The following IL12RB2 variants were observed in gnomAD, a reference collection of about 807,000 sequenced individuals.
IL12RB2 encodes interleukin-12 receptor subunit beta-2.
A neutral mutation model predicts 89.4 loss-of-function variants in IL12RB2; 82 were observed. That is an observed-to-expected ratio of 0.92 (90% CI 0.77 to 1.10). IL12RB2 has a LOEUF of 1.10. IL12RB2 is among the 50% of genes least tolerant of loss of function. The probability of loss-of-function intolerance (pLI) is 0.00; values close to 1 mark genes in which losing one functional copy is unlikely to be tolerated. For missense variants in IL12RB2, 963 were observed against 1,031.9 expected (o/e 0.93, Z 0.92); for synonymous variants, 368 against 370.1 (o/e 0.99, Z 0.07).
intron 8 of IL12RB2, among the ~76,000 whole-genome samples, chr1:67,334,622 GCACCCCGC>G (rs1341431342): frequency 9.0e-6 from 1 of 110,660 alleles, no homozygotes; most frequent in East Asian, 2.2e-4. Flanking sequence ...GGGACTACAG[GCACCCCGC>G]CACCACGCCC....
At chr1:67,366,109 G>A (rs1662634290) in intron 10 of IL12RB2, among the ~76,000 whole-genome samples, 2 of 152,116 alleles carry the variant, frequency 1.3e-5, no homozygotes. Context: ...CATGGAAGGG[G>A]AAAGTCAAAT....
intron 10 of IL12RB2, among the ~76,000 whole-genome samples, chr1:67,362,572 C>CA (rs956277979): frequency 0.063 from 2,690 of 42,446 alleles, 128 homozygotes; most frequent in African/African-American, 0.11. Flanking sequence ...GACTCCGTCT[C>CA]AAAAAAAAAA....
At chr1:67,380,926 A>G (rs914274394) in intron 14 of IL12RB2, among the ~76,000 whole-genome samples, 2 of 152,200 alleles carry the variant, frequency 1.3e-5, no homozygotes, top group Non-Finnish European at 2.9e-5. Context: ...TTAATTATAT[A>G]TGCAATGATC....
chr1:67,353,814 A>C (rs1661090873), intron 10 of IL12RB2, among the ~76,000 whole-genome samples: 1 of 152,190 alleles, frequency 6.6e-6, no homozygotes, highest in South Asian at 2.1e-4. Flanking sequence ...TTTAAAATGA[A>C]ATAAATCAGA....
intron 14 of IL12RB2, among the ~76,000 whole-genome samples, chr1:67,381,970 A>G (rs1334779041): frequency 6.6e-6 from 1 of 152,098 alleles, no homozygotes; most frequent in Non-Finnish European, 1.5e-5. Context: ...TGGGTGACAG[A>G]GCGAGACTCT....
At chr1:67,315,994 G>A (rs536320858) in intron 2 of IL12RB2, among the ~76,000 whole-genome samples, 3 of 152,286 alleles carry the variant, frequency 2.0e-5, no homozygotes, top group South Asian at 2.1e-4. Flanking sequence ...CAACCACAAT[G>A]TAGTAGAATA....
intron 1 of IL12RB2, among the ~76,000 whole-genome samples, chr1:67,311,974 ACCT>A (rs1010547155): frequency 2.0e-5 from 3 of 152,182 alleles, no homozygotes; most frequent in African/African-American, 7.2e-5. Flanking sequence ...CCAAAGATAA[ACCT>A]CCTGCCATTG....
chr1:67,362,911 T>C (rs1277295390), intron 10 of IL12RB2, among the ~76,000 whole-genome samples: 1 of 150,204 alleles, frequency 6.7e-6, no homozygotes, highest in African/African-American at 2.4e-5. Flanking sequence ...AATTACTCGT[T>C]TTTTTTTTTT....
rs1666463705 is a variant in IL12RB2, at chr1:67,398,054, T to C, written c.*1965T>C. Among the ~76,000 whole-genome samples, 1 of 152,196 alleles carries C rather than the reference T, an allele frequency of 6.6e-6. No homozygotes were observed. Among genetic ancestry groups the C allele is most frequent in the African/African-American group, 2.4e-5 (1 of 41,448 alleles). ...TTCCTGAAATTCCAAACTTAACACC[T>C]ATAGTTCTCTCAGGCTTTTTTTGAA... On this transcript the variant is annotated 3_prime_UTR_variant, in exon 17 of 17. Coordinates refer to ENST00000674203, the MANE Select transcript of IL12RB2 (RefSeq NM_001374259.2).
intron 1 of IL12RB2, among the ~76,000 whole-genome samples, chr1:67,310,209 A>AT (rs1347951054): frequency 2.2e-4 from 33 of 149,242 alleles, no homozygotes; most frequent in Admixed American, 6.0e-4. Flanking sequence ...AAAAAAAAAA[A>AT]GCCAAATCCC....
At chr1:67,318,769 A>G (rs1355809721) in intron 2 of IL12RB2, among the ~76,000 whole-genome samples, 3 of 152,106 alleles carry the variant, frequency 2.0e-5, no homozygotes, top group Non-Finnish European at 4.4e-5. Flanking sequence ...AAGGAGACAG[A>G]TGGATGAGAC....
intron 4 of IL12RB2, among the ~76,000 whole-genome samples, chr1:67,324,683 G>C (rs563749951): frequency 3.4e-5 from 5 of 148,712 alleles, no homozygotes; most frequent in African/African-American, 1.2e-4. Context: ...GAACTTGTAA[G>C]TTAAAACGAC....
In IL12RB2 at chr1:67,321,809, G is replaced by T; in HGVS notation, c.284G>T (p.Gly95Val). The change falls in exon 4 of 17, where the codon GGT becomes GTT. Residue 95 changes from glycine to valine, a missense_variant. By Grantham distance (109) the Gly-to-Val change is moderately radical (BLOSUM62 -3). Coordinates refer to ENST00000674203, the MANE Select transcript of IL12RB2 (RefSeq NM_001374259.2). ...LNSQVTGLPL[G>V]TTLFVCKLAC... ...TCTCAAGTCACAGGTCTTCCCCTTG[G>T]TACAACCTTGTTTGTCTGCAAACTG... The T allele has an allele frequency of 6.2e-7, 1 of 1,612,596 alleles. No homozygotes were observed. The highest frequency in any genetic ancestry group is 8.5e-7 in the Non-Finnish European group (1 of 1,178,708).
chr1:67,376,170 A>G (rs1663968658), intron 13 of IL12RB2, among the ~76,000 whole-genome samples: 1 of 152,018 alleles, frequency 6.6e-6, no homozygotes, highest in African/African-American at 2.4e-5. Context: ...TCTACTGGAG[A>G]ACACATTATA....
At chr1:67,313,653 C>T (rs1223317141) in intron 1 of IL12RB2, among the ~76,000 whole-genome samples, 1 of 152,166 alleles carries the variant, frequency 6.6e-6, no homozygotes, top group Non-Finnish European at 1.5e-5. Flanking sequence ...AAAACCCCAT[C>T]TCTACTAAAA....
At chr1:67,355,587 G>C (rs752666260) in intron 10 of IL12RB2, among the ~76,000 whole-genome samples, 1 of 152,146 alleles carries the variant, frequency 6.6e-6, no homozygotes, top group Non-Finnish European at 1.5e-5. Flanking sequence ...AGATGGCAGA[G>C]ACTGGGGCCC....
At chr1:67,368,795 C>G (rs1662979131) in intron 11 of IL12RB2, among the ~76,000 whole-genome samples, 1 of 152,128 alleles carries the variant, frequency 6.6e-6, no homozygotes, top group Non-Finnish European at 1.5e-5. Flanking sequence ...GTTTCCTCAT[C>G]TGAAAAATGA....
At chr1:67,353,016 A>T (rs1017203371) in intron 10 of IL12RB2, among the ~76,000 whole-genome samples, 1 of 152,234 alleles carries the variant, frequency 6.6e-6, no homozygotes, top group South Asian at 2.1e-4. Context: ...TATACTCAGC[A>T]TATCATAGGA....
At chr1:67,379,924 G>A in intron 13 of IL12RB2, 62 bp from the exon 14 acceptor site, 1 of 1,217,440 alleles carries the variant, frequency 8.2e-7, no homozygotes, top group Admixed American at 1.7e-5. Flanking sequence ...AGAATGAGTA[G>A]AAGCCTACAT....
Sources: gnomAD v4.1 joint callset for allele counts (sites outside exome capture counted in the v4.1 genomes callset) on GRCh38, gnomAD v4.1.1 for gene constraint, MANE v1.5 for transcripts, NCBI Gene and HGNC (gene_info 2026-07-23, HGNC 2026-07-21) for gene names.